The following PTPRF variants were observed in gnomAD, a reference collection of about 807,000 sequenced individuals.
The protein encoded by PTPRF is protein tyrosine phosphatase receptor type F.
PTPRF carries 59 observed loss-of-function variants against 201.8 expected under a neutral mutation model. That is an observed-to-expected ratio of 0.29 (90% CI 0.24 to 0.36). The LOEUF (loss-of-function observed/expected upper bound fraction) is 0.36, where lower values mean the gene tolerates loss of function less well. PTPRF is among the 10% of genes least tolerant of loss of function. The pLI is 1.00. For synonymous variants in PTPRF, 1,088 were observed against 1,089.7 expected (o/e 1.00, Z 0.03); for missense variants, 2,132 against 2,690.5 (o/e 0.79, Z 4.59).
chr1:43,553,610 G>A lies in PTPRF; in HGVS notation c.210G>A (p.Gly70=), dbSNP rs144288908. 30 of 1,614,068 alleles carry A rather than the reference G, an allele frequency of 1.9e-5. No homozygotes were observed. Among genetic ancestry groups the A allele is most frequent in the Non-Finnish European group, 2.5e-5 (29 of 1,180,046 alleles). ...CGCGCATCACATGGATGAAGAAGGG[G>A]AAGAAAGTCAGCTCCCAGCGCTTCG... ...PKPRITWMKK[G]KKVSSQRFEV... The change falls in exon 4 of 34, where the codon GGG becomes GGA. Residue 70 remains glycine (G), a synonymous_variant. Transcript: ENST00000359947. This position sits in a 1 kb window ranked among gnomAD's most constrained non-coding sequence, Gnocchi z 4.1.
chr1:43,622,225 C>T lies in PTPRF; in HGVS notation c.*222C>T, dbSNP rs1570771244. 4 of 565,330 alleles carry T rather than the reference C, an allele frequency of 7.1e-6. No individual in the cohort carries two copies. Among genetic ancestry groups the T allele is most frequent in the Admixed American group, 3.1e-5 (1 of 32,430 alleles). The allele number at this position is 565,330 out of a possible 1,614,324, so 35.0% of individuals were successfully genotyped here. A position where few individuals can be genotyped will look rare whatever the true frequency, so the allele number is the denominator to read the frequency against. On this transcript the variant is annotated 3_prime_UTR_variant, in exon 34 of 34. Coordinates refer to ENST00000359947, the MANE Select transcript of PTPRF (RefSeq NM_002840.5). ...GGCCCAGCAGGCAGGCACTGTGGCC[C>T]TTCTGTCCACCAGACCCACCTGGAG...
intron 33 of PTPRF, 135 bp downstream of exon 33, chr1:43,621,367 G>A (rs1659178968): frequency 2.4e-6 from 3 of 1,228,514 alleles, no homozygotes; most frequent in Admixed American, 4.8e-5. Flanking sequence ...CCTGCGATAG[G>A]CATGGTGGTG....
At chr1:43,602,877 G>C (rs1038569414) in intron 14 of PTPRF, among the ~76,000 whole-genome samples, 8 of 152,124 alleles carry the variant, frequency 5.3e-5, no homozygotes, top group Admixed American at 3.3e-4. Context: ...GGTATTGCAG[G>C]GTATAGACAT....
intron 6 of PTPRF, among the ~76,000 whole-genome samples, chr1:43,575,027 A>G (rs1485884404): frequency 6.6e-6 from 1 of 152,238 alleles, no homozygotes; most frequent in Admixed American, 6.5e-5. Context: ...AGACGTGGGC[A>G]GGAAGCAGGC....
intron 5 of PTPRF, among the ~76,000 whole-genome samples, chr1:43,560,048 CA>C (rs1316822801): frequency 1.4e-5 from 2 of 144,704 alleles, no homozygotes; most frequent in Non-Finnish European, 1.5e-5. Context: ...GGGTAGTTTG[CA>C]GGGGTGTACA....
chr1:43,576,043 C>A, intron 6 of PTPRF: 1 of 986,388 alleles, frequency 1.0e-6, no homozygotes, highest in Non-Finnish European at 1.4e-6. Context: ...TCAGCCTCCT[C>A]ATCTCCAGCT....
At chr1:43,548,925 C>T (rs1644850321) in intron 3 of PTPRF, among the ~76,000 whole-genome samples, 1 of 152,230 alleles carries the variant, frequency 6.6e-6, no homozygotes, top group Non-Finnish European at 1.5e-5. Context: ...TTGACTCTCC[C>T]TGGGGCTGGA....
At chr1:43,534,902 C>T (rs1303221220) in intron 1 of PTPRF, among the ~76,000 whole-genome samples, 1 of 152,094 alleles carries the variant, frequency 6.6e-6, no homozygotes, top group Non-Finnish European at 1.5e-5. Flanking sequence ...CCTCATTTGT[C>T]AAATGATTAT....
intron 21 of PTPRF, among the ~76,000 whole-genome samples, chr1:43,607,864 C>T (rs144288807): frequency 8.9e-4 from 135 of 152,360 alleles, no homozygotes; most frequent in African/African-American, 3.1e-3. Context: ...CTTCCTTGCA[C>T]AGCTGTCCCC....
chr1:43,586,163 A>G (rs501299), intron 7 of PTPRF, among the ~76,000 whole-genome samples: 7 of 152,152 alleles, frequency 4.6e-5, no homozygotes, highest in Non-Finnish European at 8.8e-5. Flanking sequence ...CATCTACAGC[A>G]TGGAAACCTG....
At position 43,554,666 on chromosome 1, in the gene PTPRF, G is replaced by C. The variant is rs1645233681; in HGVS notation, c.379+725G>C. 6.6e-6 allele frequency among the ~76,000 whole-genome samples: 1 copy of C among 152,202 alleles called. No homozygotes were observed. Among genetic ancestry groups the C allele is most frequent in the South Asian group, 2.1e-4 (1 of 4,822 alleles). On this transcript the variant is annotated intron_variant, in intron 5 of 33. Transcript: ENST00000359947. The surrounding 1 kb of genome is among the most constrained non-coding windows in gnomAD (Gnocchi z 4.1). ...AGCAATTCAGCATGAGTCTGGAGAGGTTTGGAGGGCAGATTACACAGGATC... is the reference window on the plus strand; with the variant it reads ...AGCAATTCAGCATGAGTCTGGAGAGCTTTGGAGGGCAGATTACACAGGATC...
intron 24 of PTPRF, 59 bp from the exon 25 acceptor site, chr1:43,617,677 T>TGGTGG: frequency 2.5e-6 from 4 of 1,600,248 alleles, no homozygotes; most frequent in Non-Finnish European, 3.4e-6. Flanking sequence ...CACTGAGGCA[T>TGGTGG]GGTGGGCTGG....
intron 8 of PTPRF, among the ~76,000 whole-genome samples, chr1:43,590,542 T>C (rs1192157013): frequency 2.0e-5 from 3 of 152,146 alleles, no homozygotes; most frequent in African/African-American, 7.2e-5. Flanking sequence ...TAAGGAAATA[T>C]CTCCCCTTCC....
chr1:43,583,087 C>T (rs1648159724), intron 7 of PTPRF: 6 of 985,678 alleles, frequency 6.1e-6, no homozygotes, highest in South Asian at 4.7e-5. Flanking sequence ...CTCAGATCAG[C>T]GAGAAGGTTG....
intron 11 of PTPRF, among the ~76,000 whole-genome samples, chr1:43,597,177 GTGTA>G (rs1480894298): frequency 6.6e-6 from 1 of 152,054 alleles, no homozygotes; most frequent in Non-Finnish European, 1.5e-5. Flanking sequence ...GAGACACTAT[GTGTA>G]TGTGACACTG....
intron 7 of PTPRF, chr1:43,582,720 CA>C (rs1648032140): frequency 6.6e-6 from 1 of 152,498 alleles, no homozygotes; most frequent in Non-Finnish European, 1.5e-5. Context: ...GCCTTGACCC[CA>C]GAGCCCGGTC....
chr1:43,594,238 C>G (rs1433015634), intron 11 of PTPRF, among the ~76,000 whole-genome samples: 11 of 776 alleles, frequency 0.014, no homozygotes, highest in Non-Finnish European at 0.037. Context: ...GTTCATTTAC[C>G]AGTTGGCTCC....
At chr1:43,600,236 G>A (rs1653408750) in intron 13 of PTPRF, among the ~76,000 whole-genome samples, 1 of 152,176 alleles carries the variant, frequency 6.6e-6, no homozygotes, top group African/African-American at 2.4e-5. Context: ...TCCCAGGAAT[G>A]GGTTCCCCTA....
At position 43,588,983 on chromosome 1, in the gene PTPRF, C is replaced by T; in HGVS notation, c.932C>T (p.Ala311Val). The T allele has an allele frequency of 5.8e-6, 9 of 1,557,730 alleles. No individual in the cohort carries two copies. Among genetic ancestry groups the T allele is most frequent in the Non-Finnish European group, 7.9e-6 (9 of 1,146,048 alleles). ...ISSLGMIEAT[A>V]QVTVKALPKP... The stretch of plus-strand genomic sequence containing the variant: ...TCGCTGGGCATGATCGAGGCCACAG[C>T]CCAGGTCACAGTGAAAGGTGAGTGT... The change falls in exon 8 of 34, where the codon GCC becomes GTC. Residue 311 changes from alanine (A) to valine (V), a missense_variant. Coordinates refer to ENST00000359947, the MANE Select transcript of PTPRF (RefSeq NM_002840.5). The surrounding 1 kb of genome is among the most constrained non-coding windows in gnomAD (Gnocchi z 5.3).
Sources: allele counts gnomAD v4.1 joint callset (sites outside exome capture counted in the v4.1 genomes callset), GRCh38; gene constraint gnomAD v4.1.1; non-coding constraint Gnocchi (gnomAD v3.1); transcripts MANE v1.5; gene names NCBI Gene and HGNC (gene_info 2026-07-23, HGNC 2026-07-21).